RUNDC3B: variants seen among roughly 807,000 people sequenced by gnomAD.
The protein encoded by RUNDC3B is RUN domain containing 3B.
RUNDC3B carries 33 observed loss-of-function variants against 58.4 expected under a neutral mutation model. The observed-to-expected ratio is 0.56, with a 90% CI of 0.43 to 0.75. The LOEUF (loss-of-function observed/expected upper bound fraction) is 0.75, where lower values mean the gene tolerates loss of function less well. RUNDC3B is among the 30% of genes least tolerant of loss of function. The pLI is 0.00. For missense variants in RUNDC3B, 501 were observed against 535.7 expected, an observed-to-expected ratio of 0.94 and a Z score of 0.64; for synonymous variants, 193 against 195.2, an observed-to-expected ratio of 0.99 and a Z score of 0.10.
intron 3 of RUNDC3B, among the ~76,000 whole-genome samples, chr7:87,708,117 T>C (rs1003733650): frequency 6.6e-6 from 1 of 151,912 alleles, no homozygotes; most frequent in East Asian, 1.9e-4. Context: ...AAAAAAGAAA[T>C]ACATTAAAGT....
At chr7:87,785,246 T>C (rs889098128) in intron 8 of RUNDC3B, among the ~76,000 whole-genome samples, 2 of 151,984 alleles carry the variant, frequency 1.3e-5, no homozygotes, top group African/African-American at 2.4e-5. Flanking sequence ...TTCCAGGCCA[T>C]GGGGCTCCCT....
chr7:87,741,517 G>A lies in RUNDC3B; in HGVS notation c.567G>A (p.Glu189=), dbSNP rs983467370. The A allele has an allele frequency of 3.8e-6, 6 of 1,571,664 alleles. No homozygotes were observed. Among genetic ancestry groups the A allele is most frequent in the African/African-American group, 1.4e-5 (1 of 73,914 alleles). ...GTCTTAGTTTCTGCCTAAAGGGAGAGGGGCTGGATGGCAGTTTTCCTGCTG... is the reference window on the plus strand; with the variant it reads ...GTCTTAGTTTCTGCCTAAAGGGAGAAGGGCTGGATGGCAGTTTTCCTGCTG... The part of the protein sequence containing the change: ...AIDFSFCLKG[E]GLDGSFPAVI... Residue 189 remains glutamate (E), a synonymous_variant, in exon 6 of 11, where the codon GAG becomes GAA. Transcript: ENST00000394654.
chr7:87,693,931 C>A (rs780767831), intron 2 of RUNDC3B: 21 of 1,610,450 alleles, frequency 1.3e-5, no homozygotes, highest in Non-Finnish European at 1.7e-5. Flanking sequence ...TTGCAGATGG[C>A]TGGCTCATCT....
intron 4 of RUNDC3B, chr7:87,713,314 A>G (rs1830258786): frequency 6.6e-6 from 1 of 152,166 alleles, no homozygotes; most frequent in Non-Finnish European, 1.5e-5. Context: ...AAATGGTAAT[A>G]CAAGTGTTTA....
intron 6 of RUNDC3B, among the ~76,000 whole-genome samples, chr7:87,761,214 C>T (rs923908746): frequency 5.3e-5 from 8 of 151,864 alleles, no homozygotes; most frequent in African/African-American, 1.7e-4. Flanking sequence ...GGCCCAGAAG[C>T]ACATGAAATG....
At chr7:87,723,620 G>T (rs1161380784) in intron 4 of RUNDC3B, among the ~76,000 whole-genome samples, 1 of 152,120 alleles carries the variant, frequency 6.6e-6, no homozygotes, top group African/African-American at 2.4e-5. Context: ...TTAAAAATGA[G>T]TAAAATTACA....
At chr7:87,692,460 A>C (rs1252812822) in intron 2 of RUNDC3B, among the ~76,000 whole-genome samples, 1 of 152,176 alleles carries the variant, frequency 6.6e-6, no homozygotes, top group African/African-American at 2.4e-5. Flanking sequence ...CTGTCTCTTA[A>C]ACAATCAAAC....
At chr7:87,698,323 T>C (rs1256081981) in intron 2 of RUNDC3B, among the ~76,000 whole-genome samples, 2 of 152,228 alleles carry the variant, frequency 1.3e-5, no homozygotes, top group East Asian at 3.9e-4. Context: ...GATGGTCTCC[T>C]GACCACATGA....
chr7:87,713,526 T>C lies in RUNDC3B; in HGVS notation c.458+2871T>C, dbSNP rs1400116295. 2.6e-5 allele frequency among the ~76,000 whole-genome samples: 4 copies of C among 151,852 alleles called. No homozygotes were observed. In the East Asian group the frequency reaches 7.8e-4, roughly 29 times the overall value. On this transcript the variant is annotated intron_variant, in intron 4 of 10. Transcript: ENST00000394654. ...AGGTGTAGGACGTCTTAATGAGCAG[T>C]TGAAAAAACAAACAAAAACCTCGAA...
At chr7:87,782,051 T>C (rs1834952059) in intron 8 of RUNDC3B, among the ~76,000 whole-genome samples, 1 of 152,120 alleles carries the variant, frequency 6.6e-6, no homozygotes, top group Non-Finnish European at 1.5e-5. Context: ...TTCAGTAGGA[T>C]TGACACCAGC....
intron 6 of RUNDC3B, among the ~76,000 whole-genome samples, chr7:87,766,477 G>A (rs538489943): frequency 2.8e-4 from 43 of 152,138 alleles, no homozygotes; most frequent in African/African-American, 1.0e-3. Flanking sequence ...TCTGGGGAAG[G>A]ACTTTATTTC....
At chr7:87,701,726 A>T (rs1490654567) in intron 3 of RUNDC3B, among the ~76,000 whole-genome samples, 1 of 152,234 alleles carries the variant, frequency 6.6e-6, no homozygotes, top group Non-Finnish European at 1.5e-5. Context: ...CCAACCATAT[A>T]TCTGTGTGAA....
intron 1 of RUNDC3B, among the ~76,000 whole-genome samples, chr7:87,632,604 TTC>T (rs1229942007): frequency 6.6e-6 from 1 of 152,192 alleles, no homozygotes; most frequent in East Asian, 1.9e-4. Context: ...TCCCTGTATA[TTC>T]TCTATCGTTT....
At chr7:87,687,078 T>A (rs1827540310) in intron 2 of RUNDC3B, among the ~76,000 whole-genome samples, 1 of 152,212 alleles carries the variant, frequency 6.6e-6, no homozygotes, top group Non-Finnish European at 1.5e-5. Context: ...TTGCGTATAA[T>A]TTAATCTGCT....
intron 8 of RUNDC3B, among the ~76,000 whole-genome samples, chr7:87,800,560 A>G (rs532637318): frequency 2.0e-5 from 3 of 152,276 alleles, no homozygotes; most frequent in East Asian, 3.9e-4. Context: ...TTTTTTGAGG[A>G]ACCACCATGC....
At chr7:87,795,798 G>A (rs1450870455) in intron 8 of RUNDC3B, among the ~76,000 whole-genome samples, 1 of 152,116 alleles carries the variant, frequency 6.6e-6, no homozygotes, top group African/African-American at 2.4e-5. Context: ...CTGAGGTAGG[G>A]AGAATTGCTT....
intron 2 of RUNDC3B, among the ~76,000 whole-genome samples, chr7:87,678,514 C>T (rs1826603985): frequency 6.6e-6 from 1 of 151,816 alleles, no homozygotes; most frequent in African/African-American, 2.4e-5. Flanking sequence ...AACATTAAAA[C>T]ATTAAAGTTA....
chr7:87,801,992 G>A (rs1485682535), intron 8 of RUNDC3B, among the ~76,000 whole-genome samples: 2 of 152,240 alleles, frequency 1.3e-5, no homozygotes, highest in Admixed American at 6.5e-5. Flanking sequence ...CTCCTGAAAC[G>A]ATATAAAGCG....
intron 4 of RUNDC3B, among the ~76,000 whole-genome samples, chr7:87,723,066 T>C (rs1398756391): frequency 6.6e-6 from 1 of 151,856 alleles, no homozygotes; most frequent in East Asian, 1.9e-4. Flanking sequence ...ACAAGAAAAA[T>C]AAAAGATTGA....
Sources: allele counts gnomAD v4.1 joint callset (sites outside exome capture counted in the v4.1 genomes callset), GRCh38; gene constraint gnomAD v4.1.1; transcripts MANE v1.5; gene names NCBI Gene and HGNC (gene_info 2026-07-23, HGNC 2026-07-21).